The following SDK1 variants were observed in gnomAD, a reference collection of about 807,000 sequenced individuals.
The protein encoded by SDK1 is protein sidekick-1.
Under a neutral mutation model 245.5 loss-of-function variants are expected in SDK1, and 157 were observed. That is an observed-to-expected ratio of 0.64 (90% CI 0.56 to 0.73). The LOEUF is 0.73. Ranked by LOEUF, SDK1 falls within the 30% of genes least tolerant of loss-of-function variation. The probability of loss-of-function intolerance (pLI) is 0.00; values close to 1 mark genes in which losing one functional copy is unlikely to be tolerated. For synonymous variants in SDK1, 1,647 were observed against 1,278.5 expected, an observed-to-expected ratio of 1.29 and a Z score of -6.15; for missense variants, 3,583 against 3,002.3, an observed-to-expected ratio of 1.19 and a Z score of -4.52.
Position 3,727,326 on chromosome 7 carries a change from T to C in SDK1, c.713+85221T>C, listed in dbSNP as rs77465526. ...CTAATGTGTAATCAGAACCCCTTAA[T>C]AGGAAGTGGTTTCATTCCATTGCTC... On this transcript the variant is annotated intron_variant, in intron 4 of 44. Coordinates refer to ENST00000404826, the MANE Select transcript of SDK1 (RefSeq NM_152744.4). 3.8e-3 allele frequency among the ~76,000 whole-genome samples: 576 copies of C among 152,288 alleles called. 4 individuals are homozygous for C. The highest frequency in any genetic ancestry group is 0.012 in the African/African-American group (503 of 41,558).
Position 3,533,044 on chromosome 7 carries a change from C to G in SDK1, c.299-86036C>G, listed in dbSNP as rs111379242. ...AATGAGTAGAAAAATCAAAACAGTCCAATTATTCTATCAAATTATACATGT... is the reference window on the plus strand; with the variant it reads ...AATGAGTAGAAAAATCAAAACAGTCGAATTATTCTATCAAATTATACATGT... On this transcript the variant is annotated intron_variant, in intron 1 of 44. Coordinates refer to ENST00000404826, the MANE Select transcript of SDK1 (RefSeq NM_152744.4). Among the ~76,000 whole-genome samples the G allele has an allele frequency of 8.6e-3, 1,310 of 152,242 alleles. 23 individuals are homozygous for G. The highest frequency in any genetic ancestry group is 0.03 in the African/African-American group (1,231 of 41,538).
chr7:4,061,577 T>C (rs1195633705), intron 19 of SDK1, among the ~76,000 whole-genome samples: 1 of 152,170 alleles, frequency 6.6e-6, no homozygotes, highest in Admixed American at 6.5e-5. Flanking sequence ...AGTGTGGCGA[T>C]TCCTCAGGGA....
chr7:3,904,851 G>T (rs1781908990), intron 5 of SDK1, among the ~76,000 whole-genome samples: 1 of 151,998 alleles, frequency 6.6e-6, no homozygotes, highest in South Asian at 2.1e-4. Flanking sequence ...AGATTAGCCG[G>T]GTGTGGTGGT....
At chr7:3,656,500 A>T (rs1256256537) in intron 4 of SDK1, among the ~76,000 whole-genome samples, 1 of 152,152 alleles carries the variant, frequency 6.6e-6, no homozygotes, top group African/African-American at 2.4e-5. Context: ...TTGGACTCTA[A>T]GGGGGTACTG....
At chr7:3,581,557 ATTAG>A (rs1780497418) in intron 1 of SDK1, among the ~76,000 whole-genome samples, 1 of 152,198 alleles carries the variant, frequency 6.6e-6, no homozygotes. Context: ...GGGAGGGTAA[ATTAG>A]TTAAACCATT....
chr7:3,668,697 A>G (rs1256655180), intron 4 of SDK1, among the ~76,000 whole-genome samples: 1 of 152,216 alleles, frequency 6.6e-6, no homozygotes, highest in East Asian at 1.9e-4. Context: ...AGGCTGAGGC[A>G]GGAGAATCAC....
chr7:3,824,598 C>G (rs1720035745), intron 5 of SDK1, among the ~76,000 whole-genome samples: 1 of 152,134 alleles, frequency 6.6e-6, no homozygotes, highest in Non-Finnish European at 1.5e-5. Context: ...AGGTCTAGCC[C>G]TGTCTCAAAA....
At chr7:3,617,269 G>A (rs144070650) in intron 1 of SDK1, among the ~76,000 whole-genome samples, 13 of 152,202 alleles carry the variant, frequency 8.5e-5, no homozygotes, top group Non-Finnish European at 1.5e-4. Context: ...CTTAGTTCCT[G>A]GCATTGTTCT....
At chr7:4,045,324 C>T (rs1788941356) in intron 17 of SDK1, among the ~76,000 whole-genome samples, 1 of 152,112 alleles carries the variant, frequency 6.6e-6, no homozygotes, top group South Asian at 2.1e-4. Context: ...CTCACTGCAG[C>T]CTCAACCTCC....
intron 5 of SDK1, among the ~76,000 whole-genome samples, chr7:3,907,977 C>G (rs1390466981): frequency 1.3e-5 from 2 of 152,042 alleles, no homozygotes; most frequent in African/African-American, 2.4e-5. Context: ...TTGTTGTTGG[C>G]TTGGGGCTTG....
chr7:3,805,747 C>A (rs373059627), intron 4 of SDK1, among the ~76,000 whole-genome samples: 68 of 151,934 alleles, frequency 4.5e-4, no homozygotes, highest in African/African-American at 1.5e-3. Context: ...TGCTTGGTGG[C>A]CAAACCAAAA....
intron 13 of SDK1, among the ~76,000 whole-genome samples, chr7:3,985,561 G>A (rs565137560): frequency 1.3e-5 from 2 of 152,292 alleles, no homozygotes; most frequent in South Asian, 2.1e-4. Flanking sequence ...CCGAGGTTGG[G>A]GAGGATCGCC....
intron 4 of SDK1, among the ~76,000 whole-genome samples, chr7:3,663,556 G>C (rs2341447): frequency 0.36 from 54,861 of 151,986 alleles, 10,881 homozygotes; most frequent in African/African-American, 0.52. Context: ...GAGAGAGATT[G>C]CTGTTTAGAC....
chr7:4,219,258 T>A (rs1328261723), intron 38 of SDK1, among the ~76,000 whole-genome samples: 1 of 152,202 alleles, frequency 6.6e-6, no homozygotes, highest in Non-Finnish European at 1.5e-5. Context: ...TGCAGCCTCC[T>A]CGTGGGGTCT....
intron 1 of SDK1, among the ~76,000 whole-genome samples, chr7:3,404,260 G>A (rs1049666181): frequency 1.3e-5 from 2 of 152,082 alleles, no homozygotes; most frequent in African/African-American, 4.8e-5. Context: ...AAAGCTAAGT[G>A]CAGTAAGACA....
chr7:3,336,944 C>G (rs531106923), intron 1 of SDK1, among the ~76,000 whole-genome samples: 1 of 152,262 alleles, frequency 6.6e-6, no homozygotes, highest in African/African-American at 2.4e-5. Flanking sequence ...GCCTTTTTAG[C>G]AGGGAAGCTG....
chr7:3,345,244 C>G (rs1003222841), intron 1 of SDK1, among the ~76,000 whole-genome samples: 1 of 152,100 alleles, frequency 6.6e-6, no homozygotes, highest in African/African-American at 2.4e-5. Context: ...ATACCTATTT[C>G]CTGGTTTCTC....
intron 1 of SDK1, among the ~76,000 whole-genome samples, chr7:3,544,594 T>C (rs1489219415): frequency 6.6e-6 from 1 of 152,254 alleles, no homozygotes; most frequent in Non-Finnish European, 1.5e-5. Flanking sequence ...TTTTAACATC[T>C]ACAAGTTCAA....
At chr7:4,257,633 C>G (rs963319697) in intron 44 of SDK1, among the ~76,000 whole-genome samples, 6 of 152,176 alleles carry the variant, frequency 3.9e-5, no homozygotes, top group African/African-American at 1.2e-4. Context: ...TGGGTGTATT[C>G]TCACTTCTCC....
Sources: allele counts gnomAD v4.1 joint callset (sites outside exome capture counted in the v4.1 genomes callset), GRCh38; gene constraint gnomAD v4.1.1; transcripts MANE v1.5; gene names NCBI Gene and HGNC (gene_info 2026-07-23, HGNC 2026-07-21).